WDR62: variants seen among roughly 807,000 people sequenced by gnomAD.
WDR62 encodes the protein WD repeat-containing protein 62.
In WDR62, 112 loss-of-function variants were observed where a neutral mutation model predicts 160.6. The observed-to-expected ratio is 0.70, with a 90% CI of 0.60 to 0.82. WDR62 has a LOEUF of 0.82. Ranked by LOEUF, WDR62 falls within the 40% of genes least tolerant of loss-of-function variation. WDR62 has a pLI of 0.00. For synonymous variants in WDR62, 792 were observed against 815.1 expected, an observed-to-expected ratio of 0.97 and a Z score of 0.48; for missense variants, 1,819 against 1,983.8, an observed-to-expected ratio of 0.92 and a Z score of 1.58.
chr19:36,068,056 G>T, intron 7 of WDR62, 46 bp downstream of exon 7: 1 of 1,584,982 alleles, frequency 6.3e-7, no homozygotes, highest in Non-Finnish European at 8.6e-7. Flanking sequence ...TCTTTCTCGT[G>T]ATATGTGTCT....
chr19:36,068,564 C>G (rs935273804), intron 7 of WDR62, among the ~76,000 whole-genome samples: 1 of 152,164 alleles, frequency 6.6e-6, no homozygotes, highest in Non-Finnish European at 1.5e-5. Context: ...TGACTCTTAA[C>G]GAGTCTGCTG....
chr19:36,098,829 G>A lies in WDR62; in HGVS notation c.2521-570G>A, dbSNP rs8100896. 9.2e-3 allele frequency among the ~76,000 whole-genome samples: 1,393 copies of A among 152,060 alleles called. 28 individuals are homozygous for A. Among genetic ancestry groups the A allele is most frequent in the African/African-American group, 0.032 (1,345 of 41,460 alleles). On this transcript the variant is annotated intron_variant, in intron 21 of 31. Coordinates refer to ENST00000401500, the MANE Select transcript of WDR62 (RefSeq NM_001083961.2). Reference sequence around the variant, plus strand: ...AGAGAAAAGTTCATGAATCCCAGCTGGGCATTCCCAGCACTTTGGGAGGCC... The same window carrying A: ...AGAGAAAAGTTCATGAATCCCAGCTAGGCATTCCCAGCACTTTGGGAGGCC...
Position 36,103,381 on chromosome 19 carries a change from T to G in WDR62, c.3553T>G (p.Ser1185Ala), listed in dbSNP as rs981672780. The G allele has an allele frequency of 6.2e-7, 1 of 1,613,898 alleles. No homozygotes were observed. The highest frequency in any genetic ancestry group is 1.7e-5 in the Admixed American group (1 of 60,016). ...LTSLASCVPA[S>A]SVLPTDRNLP... ...GAGCCTGGCGTCCTGTGTCCCTGCT[T>G]CCTCCGTGCTGCCCACAGACAGGAA... The change falls in exon 30 of 32, where the codon TCC (serine) becomes GCC (alanine). Residue 1185 changes from serine to alanine, a missense_variant. Physicochemically the swap from Ser to Ala is moderately conservative, Grantham distance 99. Coordinates refer to ENST00000401500, the MANE Select transcript of WDR62 (RefSeq NM_001083961.2).
In WDR62 at chr19:36,071,693, C is replaced by T. The variant is rs768523155; in HGVS notation, c.1020C>T (p.Asp340=). 7 of 1,614,040 alleles carry T rather than the reference C, an allele frequency of 4.3e-6. No individual in the cohort carries two copies. The highest frequency in any genetic ancestry group is 1.7e-5 in the Admixed American group (1 of 60,030). The change falls in exon 8 of 32, where the codon GAC becomes GAT. Residue 340 remains aspartate, a synonymous_variant. Transcript: ENST00000401500. The part of the protein sequence containing the change: ...NLPKPHYLGV[D]VAQGLEPSFL... The stretch of plus-strand genomic sequence containing the variant: ...CCAAGCCACACTACCTTGGGGTAGA[C>T]GTGGCACAGGGCCTGGAGCCCAGGT...
Position 36,066,185 on chromosome 19 carries a change from C to T in WDR62, c.391-72C>T, listed in dbSNP as rs1417437192. The T allele has an allele frequency of 2.5e-6, 4 of 1,607,446 alleles. No homozygotes were observed. The East Asian group carries it at 8.9e-5, about 36-fold the overall frequency. On this transcript the variant is annotated intron_variant, in intron 4 of 31. Transcript: ENST00000401500. ...TGGGCACATCCTGTGGCAATGCCAT[C>T]TTCGGCCTTGACAACCCTCTAGCCC...
intron 3 of WDR62, among the ~76,000 whole-genome samples, chr19:36,064,282 G>C (rs8112640): frequency 0.74 from 112,921 of 151,770 alleles, 42,283 homozygotes; most frequent in East Asian, 0.82. Context: ...TTTTTTTTCT[G>C]TCTCTCTTTT....
Position 36,100,873 on chromosome 19 carries a change from C to G in WDR62, c.2865C>G (p.Asp955Glu). The G allele has an allele frequency of 6.2e-7, 1 of 1,614,218 alleles. No individual in the cohort carries two copies. Among genetic ancestry groups the G allele is most frequent in the Admixed American group, 1.7e-5 (1 of 60,036 alleles). Residue 955 changes from aspartate (D) to glutamate (E), a missense_variant and splice_region_variant, in exon 23 of 32, where the codon GAC becomes GAG. Physicochemically the swap from Asp to Glu is conservative, Grantham distance 45. Transcript: ENST00000401500. ...LEAEVTVTGT[D>E]SQYCRKEVEA... ...CAGAAGTGACAGTCACAGGGACAGA[C>G]AGGTGGGTGTCCTTTCCACCAAGGG...
chr19:36,072,106 C>T lies in WDR62; in HGVS notation c.1043+390C>T, dbSNP rs190123653. Among the ~76,000 whole-genome samples, 971 of 152,334 alleles carry T rather than the reference C, an allele frequency of 6.4e-3. 14 individuals are homozygous for T. Among genetic ancestry groups the T allele is most frequent in the Non-Finnish European group, 7.5e-3 (512 of 68,034 alleles). On this transcript the variant is annotated intron_variant, in intron 8 of 31. Transcript: ENST00000401500. ...GCCTATTATAATGAAGCAGCAAAAT[C>T]TCTGCCTCTCTGCAGTATAGCAAGG...
intron 14 of WDR62, 33 bp from the exon 15 acceptor site, chr19:36,089,152 G>A (rs923251862): frequency 1.6e-5 from 26 of 1,612,856 alleles, no homozygotes; most frequent in Non-Finnish European, 2.2e-5. Flanking sequence ...GGGTTGTCGG[G>A]GCATTCTCTG....
intron 7 of WDR62, among the ~76,000 whole-genome samples, chr19:36,069,422 C>T (rs899410299): frequency 7.3e-5 from 11 of 151,718 alleles, no homozygotes; most frequent in Non-Finnish European, 1.2e-4. Flanking sequence ...CTCCCCGCAT[C>T]TCAGACGATG....
chr19:36,080,416 T>G (rs1971829442), intron 9 of WDR62, among the ~76,000 whole-genome samples: 1 of 150,970 alleles, frequency 6.6e-6, no homozygotes, highest in African/African-American at 2.4e-5. Context: ...GCCCGGCCTA[T>G]TTTTTATTTT....
Position 36,054,900 on chromosome 19 carries a change from G to T in WDR62, c.-72G>T. On this transcript the variant is annotated 5_prime_UTR_variant, in exon 1 of 32. Transcript: ENST00000401500. ...GCCGGCTTTCCCGCGGCTGTTCGCT[G>T]TTCCAGTGGGTCGTGGCGGTGGCGG... 6.5e-7 allele frequency: 1 copy of T among 1,533,182 alleles called. No homozygotes were observed. The highest frequency in any genetic ancestry group is 1.2e-5 in the South Asian group (1 of 84,146). 95.0% of individuals were successfully genotyped at this position (1,533,182 alleles called of 1,614,324 possible).
chr19:36,100,961 C>T, intron 23 of WDR62, 86 bp downstream of exon 23: 1 of 1,598,924 alleles, frequency 6.3e-7, no homozygotes, highest in Non-Finnish European at 8.6e-7. Flanking sequence ...CTCTGCCTTC[C>T]CAGTGGGCTT....
In WDR62 at chr19:36,099,621, C is replaced by G; in HGVS notation, c.2739+4C>G. The G allele has an allele frequency of 6.2e-7, 1 of 1,613,928 alleles. No individual in the cohort carries two copies. On this transcript the variant is annotated splice_donor_region_variant and intron_variant, in intron 22 of 31. Coordinates refer to ENST00000401500, the MANE Select transcript of WDR62 (RefSeq NM_001083961.2). ...CCTGGCCAGCCTGCTGAGTGAGGTA[C>G]ACACTTCCACCGCAGCCTGGCCCAT...
At chr19:36,085,535 G>C (rs568749436) in intron 12 of WDR62, among the ~76,000 whole-genome samples, 18 of 150,196 alleles carry the variant, frequency 1.2e-4, no homozygotes, top group African/African-American at 3.9e-4. Flanking sequence ...ATTCCCCTGC[G>C]TTCAAGCGAT....
intron 19 of WDR62, 107 bp downstream of exon 19, chr19:36,092,918 T>G: frequency 6.6e-7 from 1 of 1,524,560 alleles, no homozygotes; most frequent in Middle Eastern, 2.1e-4. Flanking sequence ...GGCCCTGCCC[T>G]TAGCACACTC....
intron 30 of WDR62, 148 bp downstream of exon 30, chr19:36,104,129 A>G (rs1973585762): frequency 8.9e-7 from 1 of 1,122,468 alleles, no homozygotes; most frequent in Non-Finnish European, 1.3e-6. Flanking sequence ...TGAGCATTAC[A>G]TGTTGGGCTT....
chr19:36,086,407 C>T (rs898894812), intron 12 of WDR62, among the ~76,000 whole-genome samples: 2 of 152,146 alleles, frequency 1.3e-5, no homozygotes, highest in Non-Finnish European at 2.9e-5. Flanking sequence ...TCTGCTGGGG[C>T]GTCTGCTGTG....
intron 14 of WDR62, 26 bp downstream of exon 14, chr19:36,089,131 G>A (rs1214743818): frequency 1.9e-6 from 3 of 1,613,620 alleles, no homozygotes; most frequent in Non-Finnish European, 2.5e-6. Context: ...CTCCTTGGGG[G>A]CTGGGGTGGG....
Sources: allele counts gnomAD v4.1 joint callset (sites outside exome capture counted in the v4.1 genomes callset), GRCh38; gene constraint gnomAD v4.1.1; transcripts MANE v1.5; gene names NCBI Gene and HGNC (gene_info 2026-07-23, HGNC 2026-07-21).